The following SDK1 variants were observed in gnomAD, a reference collection of about 807,000 sequenced individuals.
SDK1 encodes the protein sidekick cell adhesion molecule 1, also known as protein sidekick-1.
Under a neutral mutation model 245.5 loss-of-function variants are expected in SDK1, and 157 were observed. The observed-to-expected ratio is 0.64, with a 90% CI of 0.56 to 0.73. The LOEUF (loss-of-function observed/expected upper bound fraction) is 0.73, where lower values mean the gene tolerates loss of function less well. Ranked by LOEUF, SDK1 falls within the 30% of genes least tolerant of loss-of-function variation. SDK1 has a pLI of 0.00. For synonymous variants in SDK1, 1,647 were observed against 1,278.5 expected (o/e 1.29, Z -6.15); for missense variants, 3,583 against 3,002.3 (o/e 1.19, Z -4.52).
At chr7:4,146,113 C>T (rs1055499812) in intron 29 of SDK1, among the ~76,000 whole-genome samples, 197 bp downstream of exon 29, 3 of 143,170 alleles carry the variant, frequency 2.1e-5, no homozygotes, top group Admixed American at 6.9e-5. Context: ...TGCATTCACA[C>T]CTTCAGCCTC....
At chr7:3,495,226 G>A (rs901286240) in intron 1 of SDK1, among the ~76,000 whole-genome samples, 5 of 131,558 alleles carry the variant, frequency 3.8e-5, no homozygotes, top group African/African-American at 1.4e-4. Context: ...GCCCCTTTCT[G>A]TTCTGAGCTG....
intron 5 of SDK1, among the ~76,000 whole-genome samples, chr7:3,939,289 A>G (rs1182347109): frequency 6.6e-6 from 1 of 152,336 alleles, no homozygotes; most frequent in South Asian, 2.1e-4. Flanking sequence ...TGCCTTCTGG[A>G]TGATGAACTA....
At chr7:3,798,742 G>A (rs1779031060) in intron 4 of SDK1, among the ~76,000 whole-genome samples, 1 of 152,116 alleles carries the variant, frequency 6.6e-6, no homozygotes, top group African/African-American at 2.4e-5. Context: ...TCTTAGCCCG[G>A]CCCACATGCA....
At chr7:3,968,137 T>A (rs10441085) in intron 10 of SDK1, among the ~76,000 whole-genome samples, 9,114 of 152,264 alleles carry the variant, frequency 0.06, 891 homozygotes, top group African/African-American at 0.2. Flanking sequence ...CCTTGTGACA[T>A]TCAGAATTAA....
At chr7:3,986,633 G>GA (rs1157800466) in intron 13 of SDK1, among the ~76,000 whole-genome samples, 1 of 152,170 alleles carries the variant, frequency 6.6e-6, no homozygotes, top group African/African-American at 2.4e-5. Context: ...GGCCAAGGCG[G>GA]GTGAATCACA....
chr7:3,461,285 C>A (rs555578595), intron 1 of SDK1, among the ~76,000 whole-genome samples: 9 of 152,288 alleles, frequency 5.9e-5, no homozygotes, highest in Admixed American at 3.9e-4. Context: ...GTCACTGTGA[C>A]AATTCTGTGA....
chr7:3,793,258 T>C (rs1274695888), intron 4 of SDK1, among the ~76,000 whole-genome samples: 1 of 152,202 alleles, frequency 6.6e-6, no homozygotes, highest in Non-Finnish European at 1.5e-5. Context: ...TAAAAGATCC[T>C]GTCAATGATT....
At chr7:3,388,213 C>G (rs1440932995) in intron 1 of SDK1, among the ~76,000 whole-genome samples, 2 of 151,578 alleles carry the variant, frequency 1.3e-5, no homozygotes, top group African/African-American at 2.4e-5. Context: ...TGTTAAATTT[C>G]TATTTATAAA....
intron 4 of SDK1, among the ~76,000 whole-genome samples, chr7:3,736,397 C>G (rs1223485377): frequency 6.6e-6 from 1 of 152,046 alleles, no homozygotes; most frequent in Non-Finnish European, 1.5e-5. Flanking sequence ...GGTTCACGCC[C>G]TTCTCCTGCC....
intron 5 of SDK1, among the ~76,000 whole-genome samples, chr7:3,905,007 A>AT (rs557009996): frequency 0.036 from 5,159 of 143,298 alleles, 212 homozygotes; most frequent in African/African-American, 0.11. Flanking sequence ...AAAAAAAAAA[A>AT]AATAATAATA....
At chr7:4,144,386 C>A (rs561601931) in intron 28 of SDK1, among the ~76,000 whole-genome samples, 1 of 151,302 alleles carries the variant, frequency 6.6e-6, no homozygotes, top group South Asian at 2.1e-4. Flanking sequence ...CCTGCAGACA[C>A]CTGCGCCTAG....
At chr7:3,735,240 T>C (rs1334021902) in intron 4 of SDK1, among the ~76,000 whole-genome samples, 1 of 152,194 alleles carries the variant, frequency 6.6e-6, no homozygotes, top group East Asian at 1.9e-4. Flanking sequence ...GTTAAGTATG[T>C]TCCCATTGTT....
At chr7:4,157,627 G>A (rs939058126) in intron 30 of SDK1, among the ~76,000 whole-genome samples, 14 of 152,128 alleles carry the variant, frequency 9.2e-5, no homozygotes, top group Non-Finnish European at 1.6e-4. Context: ...CTCCGTCGAC[G>A]GGCTGGGGGT....
intron 21 of SDK1, 145 bp downstream of exon 21, chr7:4,077,334 A>G (rs1780751670): frequency 2.6e-6 from 2 of 755,232 alleles, no homozygotes; most frequent in Non-Finnish European, 4.3e-6. Context: ...TGGAGGGTAA[A>G]TGGGTGTTGA....
At position 3,383,329 on chromosome 7, in the gene SDK1, T is replaced by A. The variant is rs1781535759; in HGVS notation, c.298+81445T>A. Among the ~76,000 whole-genome samples, 4 of 152,208 alleles carry A rather than the reference T, an allele frequency of 2.6e-5. No individual in the cohort carries two copies. In the Middle Eastern group the frequency reaches 0.014, roughly 518 times the overall value. ...GGGAGACTGAGATGGAAGGATCACT[T>A]GAGCCCCAGAGGTTAAGATTGCAGT... On this transcript the variant is annotated intron_variant, in intron 1 of 44. Coordinates refer to ENST00000404826, the MANE Select transcript of SDK1 (RefSeq NM_152744.4).
Position 3,623,092 on chromosome 7 carries a change from C to T in SDK1, c.458+3853C>T, listed in dbSNP as rs1022388959. On this transcript the variant is annotated intron_variant, in intron 2 of 44. Coordinates refer to ENST00000404826, the MANE Select transcript of SDK1 (RefSeq NM_152744.4). ...TAGTTGTTTCCCACCTTAACAGGAC[C>T]CTTATTTTTCCCCACTTTGGTGTCA... is the stretch of plus-strand genomic sequence containing the variant. 2.0e-5 allele frequency among the ~76,000 whole-genome samples: 3 copies of T among 152,112 alleles called. 1 individual carries two copies. The highest frequency in any genetic ancestry group is 4.4e-5 in the Non-Finnish European group (3 of 67,998).
chr7:4,258,182 A>C (rs1787743617), intron 44 of SDK1, among the ~76,000 whole-genome samples: 1 of 152,218 alleles, frequency 6.6e-6, no homozygotes, highest in South Asian at 2.1e-4. Context: ...ATAAACACGC[A>C]GATGGGTGTG....
At chr7:3,790,949 C>T (rs1232731176) in intron 4 of SDK1, among the ~76,000 whole-genome samples, 1 of 151,918 alleles carries the variant, frequency 6.6e-6, no homozygotes, top group Non-Finnish European at 1.5e-5. Context: ...AGGTAGCCAC[C>T]CTGCTTGGTT....
chr7:4,031,322 T>A (rs1461250360), intron 17 of SDK1, among the ~76,000 whole-genome samples: 2 of 152,242 alleles, frequency 1.3e-5, no homozygotes, highest in African/African-American at 4.8e-5. Context: ...ATTGAACTTG[T>A]ATATTTTGCC....
Sources: allele counts gnomAD v4.1 joint callset (sites outside exome capture counted in the v4.1 genomes callset), GRCh38; gene constraint gnomAD v4.1.1; transcripts MANE v1.5; gene names NCBI Gene and HGNC (gene_info 2026-07-23, HGNC 2026-07-21).